Variants in TRAPPC11 observed in about 807,000 individuals in gnomAD.
The protein encoded by TRAPPC11 is foie gras homolog.
In TRAPPC11, 104 loss-of-function variants were observed where a neutral mutation model predicts 151.2. The observed-to-expected ratio is 0.69, with a 90% CI of 0.59 to 0.81. TRAPPC11 has a LOEUF of 0.81. Among genes scored for constraint, TRAPPC11 ranks in the 30% least tolerant of loss-of-function variants. The pLI is 0.00. For synonymous variants in TRAPPC11, 456 were observed against 472.3 expected, an observed-to-expected ratio of 0.97 and a Z score of 0.45; for missense variants, 1,230 against 1,349.6, an observed-to-expected ratio of 0.91 and a Z score of 1.39.
intron 1 of TRAPPC11, 91 bp from the exon 2 acceptor site, chr4:183,663,753 TTTG>T: frequency 1.1e-5 from 6 of 530,978 alleles, no homozygotes; most frequent in South Asian, 3.1e-5. Context: ...TTTTTTTTTT[TTTG>T]AGACAGAGTT....
At chr4:183,709,556 A>G (rs1034384716) in intron 29 of TRAPPC11, among the ~76,000 whole-genome samples, 5 of 152,130 alleles carry the variant, frequency 3.3e-5, no homozygotes, top group Non-Finnish European at 7.3e-5. Context: ...CGGGCAGATC[A>G]TAAGGTCAGG....
At position 183,697,587 on chromosome 4, in the gene TRAPPC11, T is replaced by G; in HGVS notation, c.2694+19T>G. On this transcript the variant is annotated intron_variant, in intron 24 of 29. Coordinates refer to ENST00000334690, the MANE Select transcript of TRAPPC11 (RefSeq NM_021942.6). The stretch of plus-strand genomic sequence containing the variant: ...TACCAAGGTATGTTTCTTTGAGGCA[T>G]ACTAGAAATCATTTAGGTTATAAAA... 6.2e-7 allele frequency: 1 copy of G among 1,604,404 alleles called. No homozygotes were observed. The highest frequency in any genetic ancestry group is 1.8e-5 in the Admixed American group (1 of 56,412).
In TRAPPC11 at chr4:183,701,716, G is replaced by A. The variant is rs781254503; in HGVS notation, c.2871G>A (p.Glu957=). The change falls in exon 26 of 30, where the codon GAG becomes GAA. Residue 957 remains glutamate (E), a synonymous_variant. Transcript: ENST00000334690. ...CTGTAGTTATCTTACAGACTGGAGA[G>A]AGTGCTAGTGAATGCTTTTGTCTTC... ...QVDNVILQTG[E]SASECFCLQC... The A allele has an allele frequency of 5.0e-6, 8 of 1,613,370 alleles. No individual in the cohort carries two copies. In the African/African-American group the frequency reaches 6.7e-5, roughly 13 times the overall value.
At chr4:183,708,673 C>G (rs1737201159) in intron 29 of TRAPPC11, 99 bp downstream of exon 29, 1 of 1,131,588 alleles carries the variant, frequency 8.8e-7, no homozygotes, top group Non-Finnish European at 1.3e-6. Flanking sequence ...TTGAGACCAA[C>G]AGTGATAGTT....
chr4:183,706,693 A>G (rs1737090792), intron 27 of TRAPPC11, 114 bp from the exon 28 acceptor site: 2 of 1,151,372 alleles, frequency 1.7e-6, no homozygotes, highest in Non-Finnish European at 2.4e-6. Flanking sequence ...GAGTACAGTA[A>G]CGTCATTAAT....
intron 26 of TRAPPC11, among the ~76,000 whole-genome samples, chr4:183,704,579 C>T (rs186649993): frequency 0.019 from 2,818 of 151,184 alleles, 88 homozygotes; most frequent in African/African-American, 0.066. Flanking sequence ...TTTGAGAGGC[C>T]GAGGTGGGCG....
intron 10 of TRAPPC11, among the ~76,000 whole-genome samples, chr4:183,680,813 C>A (rs1735645356): frequency 6.6e-6 from 1 of 150,624 alleles, no homozygotes; most frequent in East Asian, 2.0e-4. Context: ...CTGCCACAAT[C>A]TCCTGAGTAG....
intron 5 of TRAPPC11, among the ~76,000 whole-genome samples, chr4:183,671,831 T>G (rs1161304831): frequency 6.6e-6 from 1 of 152,200 alleles, no homozygotes; most frequent in Admixed American, 6.6e-5. Context: ...CAGGTGATCT[T>G]TATATGAATA....
intron 22 of TRAPPC11, 85 bp downstream of exon 22, chr4:183,694,123 T>C: frequency 7.0e-7 from 1 of 1,418,620 alleles, no homozygotes; most frequent in Non-Finnish European, 9.7e-7. Flanking sequence ...GTTCAGAGCG[T>C]TTTAACGCAT....
chr4:183,666,647 A>G (rs1014907467), intron 3 of TRAPPC11, among the ~76,000 whole-genome samples: 3 of 152,200 alleles, frequency 2.0e-5, no homozygotes, highest in African/African-American at 7.2e-5. Flanking sequence ...TGAATTTCCA[A>G]ATGTTTTTCT....
intron 14 of TRAPPC11, 30 bp from the exon 15 acceptor site, chr4:183,684,666 G>A (rs370988776): frequency 3.0e-5 from 48 of 1,607,526 alleles, no homozygotes; most frequent in Non-Finnish European, 3.7e-5. Context: ...TTGTGAAGCC[G>A]GTTCAGTATT....
chr4:183,669,579 G>A lies in TRAPPC11; in HGVS notation c.560+1462G>A, dbSNP rs554044278. ...GCTGTTGTCCTCTGTGCTATACCCTGCTGTAATGACTCTTCACTGAGCAGC... is the reference window on the plus strand; with the variant it reads ...GCTGTTGTCCTCTGTGCTATACCCTACTGTAATGACTCTTCACTGAGCAGC... On this transcript the variant is annotated intron_variant, in intron 5 of 29. Transcript: ENST00000334690. Among the ~76,000 whole-genome samples the A allele has an allele frequency of 2.6e-5, 4 of 152,302 alleles. No homozygotes were observed. The East Asian group carries it at 7.7e-4, about 29-fold the overall frequency.
chr4:183,673,620 G>A (rs937826484), intron 5 of TRAPPC11, among the ~76,000 whole-genome samples: 10 of 152,160 alleles, frequency 6.6e-5, no homozygotes, highest in African/African-American at 2.4e-4. Flanking sequence ...GCTGTGGTGA[G>A]ACTTGATTGC....
rs1735834686 is a variant in TRAPPC11 at position 183,684,017 on chromosome 4, T to G, written c.1250T>G (p.Leu417Arg). The G allele has an allele frequency of 6.2e-7, 1 of 1,614,104 alleles. No individual in the cohort carries two copies. ...CCTGAAAAAGAAAAGGTGGGAATTC[T>G]TGCCATTCAGCTGAAGGAGAGAAAT... The part of the protein sequence containing the change: ...SDPEKEKVGI[L>R]AIQLKERNVV... The change falls in exon 12 of 30, where the codon CTT becomes CGT. Residue 417 changes from leucine (L) to arginine (R), a missense_variant. Leu to Arg is a moderately radical substitution (Grantham distance 102). Transcript: ENST00000334690.
chr4:183,662,965 T>C (rs565222431), intron 1 of TRAPPC11, among the ~76,000 whole-genome samples: 6 of 152,344 alleles, frequency 3.9e-5, no homozygotes, highest in South Asian at 4.1e-4. Flanking sequence ...TACATTTTAA[T>C]AGATCTAATT....
At chr4:183,702,525 A>G (rs1266445327) in intron 26 of TRAPPC11, among the ~76,000 whole-genome samples, 1 of 152,208 alleles carries the variant, frequency 6.6e-6, no homozygotes, top group Non-Finnish European at 1.5e-5. Context: ...GGTAAAGTGA[A>G]CAAAGCAAGC....
chr4:183,676,451 G>A (rs537440091), intron 7 of TRAPPC11, among the ~76,000 whole-genome samples: 34 of 152,014 alleles, frequency 2.2e-4, no homozygotes, highest in Non-Finnish European at 3.4e-4. Context: ...CGCCTGGCCT[G>A]TAGTTCATTT....
At chr4:183,685,906 T>A (rs1282777178) in intron 17 of TRAPPC11, among the ~76,000 whole-genome samples, 1 of 152,208 alleles carries the variant, frequency 6.6e-6, no homozygotes, top group African/African-American at 2.4e-5. Context: ...TGATCTCAGC[T>A]CACTGCAACC....
Position 183,686,660 on chromosome 4 carries a change from A to G in TRAPPC11, c.1805A>G (p.Asp602Gly). The change falls in exon 18 of 30, where the codon GAT becomes GGT. Residue 602 changes from aspartate (D) to glycine (G), a missense_variant. Coordinates refer to ENST00000334690, the MANE Select transcript of TRAPPC11 (RefSeq NM_021942.6). ...AKFHAPSFHVDVPVQFDIYLK... is the reference protein window; with the variant it reads ...AKFHAPSFHVGVPVQFDIYLK... ...TTTCATGCCCCAAGTTTTCATGTTGATGTTCCTGTTCAGTTTGATATTTAT... is the reference window on the plus strand; with the variant it reads ...TTTCATGCCCCAAGTTTTCATGTTGGTGTTCCTGTTCAGTTTGATATTTAT... 1.9e-6 allele frequency: 3 copies of G among 1,614,006 alleles called. No homozygotes were observed. Among genetic ancestry groups the G allele is most frequent in the Non-Finnish European group, 2.5e-6 (3 of 1,179,978 alleles).
Sources: gnomAD v4.1 joint callset for allele counts (sites outside exome capture counted in the v4.1 genomes callset) on GRCh38, gnomAD v4.1.1 for gene constraint, MANE v1.5 for transcripts, NCBI Gene and HGNC (gene_info 2026-07-23, HGNC 2026-07-21) for gene names.